ZMYM4: variants seen among roughly 807,000 people sequenced by gnomAD.
ZMYM4 encodes the protein zinc finger MYM-type containing 4, also known as zinc finger MYM-type protein 4.
A neutral mutation model predicts 183.2 loss-of-function variants in ZMYM4; 31 were observed. That is an observed-to-expected ratio of 0.17 (90% CI 0.13 to 0.23). The LOEUF is 0.23. Ranked by LOEUF, ZMYM4 falls within the 10% of genes least tolerant of loss-of-function variation. The pLI is 1.00. For missense variants in ZMYM4, 1,273 were observed against 1,840.3 expected, an observed-to-expected ratio of 0.69 and a Z score of 5.64; for synonymous variants, 592 against 631.2, an observed-to-expected ratio of 0.94 and a Z score of 0.93.
rs187289585 is a variant in ZMYM4, at chr1:35,295,029, A to G, written c.39+25944A>G. Among the ~76,000 whole-genome samples the G allele has an allele frequency of 3.7e-4, 56 of 152,346 alleles. No homozygotes were observed. The East Asian group carries it at 0.01, about 27-fold the overall frequency. ...ACAAGTGTTTGAGTGCCTGTTATGC[A>G]TGAGGAACCATTGTAGGTACGGAGG... On this transcript the variant is annotated intron_variant, in intron 1 of 29. Coordinates refer to ENST00000314607, the MANE Select transcript of ZMYM4 (RefSeq NM_005095.3).
chr1:35,385,097 G>T (rs1416305107), intron 9 of ZMYM4, among the ~76,000 whole-genome samples: 1 of 151,986 alleles, frequency 6.6e-6, no homozygotes, highest in Non-Finnish European at 1.5e-5. Flanking sequence ...CACCCACCTC[G>T]GCCTCCCGAT....
intron 2 of ZMYM4, among the ~76,000 whole-genome samples, chr1:35,345,799 A>G (rs540144363): frequency 2.0e-5 from 3 of 152,202 alleles, no homozygotes; most frequent in South Asian, 4.1e-4. Context: ...GTAGTAAAAT[A>G]TACGTAAAAT....
intron 9 of ZMYM4, among the ~76,000 whole-genome samples, chr1:35,382,092 C>T (rs1644469917): frequency 6.7e-6 from 1 of 150,198 alleles, no homozygotes; most frequent in Admixed American, 6.7e-5. Flanking sequence ...TTGCAGTGAG[C>T]CAAGATCGTA....
At chr1:35,322,577 C>T (rs548709675) in intron 1 of ZMYM4, among the ~76,000 whole-genome samples, 3 of 152,108 alleles carry the variant, frequency 2.0e-5, no homozygotes, top group East Asian at 1.9e-4. Context: ...GTGTGGAGGT[C>T]GCTTATGACC....
At chr1:35,363,321 A>C (rs1239689676) in intron 5 of ZMYM4, among the ~76,000 whole-genome samples, 1 of 152,170 alleles carries the variant, frequency 6.6e-6, no homozygotes, top group African/African-American at 2.4e-5. Flanking sequence ...AGGATTTCTC[A>C]AACTCCACAG....
chr1:35,269,160 G>C, intron 1 of ZMYM4, 75 bp downstream of exon 1: 1 of 1,528,692 alleles, frequency 6.5e-7, no homozygotes, highest in Non-Finnish European at 8.8e-7. Context: ...CCATACTCAG[G>C]TTCGTGGAGG....
chr1:35,399,719 A>G (rs926037352), intron 23 of ZMYM4, 143 bp downstream of exon 23: 14 of 778,232 alleles, frequency 1.8e-5, no homozygotes, highest in African/African-American at 1.4e-4. Flanking sequence ...TTTGAATTCA[A>G]GAACCATATA....
In ZMYM4 at chr1:35,363,623, AAGCTATAGG is replaced by A. The variant is rs376839829; in HGVS notation, c.840+1837_840+1845del. On this transcript the variant is annotated intron_variant, in intron 5 of 29. Transcript: ENST00000314607. ...AGTTGGATGTGTTAGGGTAGTGATA[AAGCTATAGG>A]AGTTGGATGGATATGAGTATACTTG... Among the ~76,000 whole-genome samples, 480 of 152,300 alleles carry A rather than the reference AAGCTATAGG, an allele frequency of 3.2e-3. 4 individuals are homozygous for A. The highest frequency in any genetic ancestry group is 0.011 in the African/African-American group (463 of 41,556).
chr1:35,295,126 A>C (rs1334278207), intron 1 of ZMYM4, among the ~76,000 whole-genome samples: 2 of 152,246 alleles, frequency 1.3e-5, no homozygotes, highest in Non-Finnish European at 2.9e-5. Context: ...GGTGGGAATA[A>C]CTGCTAAACA....
intron 2 of ZMYM4, among the ~76,000 whole-genome samples, chr1:35,347,329 A>G (rs1643434597): frequency 6.6e-6 from 1 of 152,192 alleles, no homozygotes; most frequent in South Asian, 2.1e-4. Context: ...TTTCAAAAAA[A>G]TCTCCATTGA....
intron 25 of ZMYM4, among the ~76,000 whole-genome samples, chr1:35,406,726 G>A (rs1013203068): frequency 1.1e-4 from 17 of 152,226 alleles, no homozygotes; most frequent in African/African-American, 3.6e-4. Context: ...AGTCAAACAT[G>A]GTCGGTGCTC....
intron 1 of ZMYM4, among the ~76,000 whole-genome samples, chr1:35,276,974 T>C (rs1326684231): frequency 1.3e-5 from 2 of 152,168 alleles, no homozygotes; most frequent in African/African-American, 4.8e-5. Flanking sequence ...TTGAAAAAAA[T>C]AGGTTATTGT....
chr1:35,320,890 A>T (rs1273744382), intron 1 of ZMYM4, among the ~76,000 whole-genome samples: 1 of 152,140 alleles, frequency 6.6e-6, no homozygotes, highest in Non-Finnish European at 1.5e-5. Context: ...TGAGAAGTGT[A>T]GGATTTCTAA....
intron 25 of ZMYM4, among the ~76,000 whole-genome samples, chr1:35,405,861 T>C (rs1644994202): frequency 6.6e-6 from 1 of 152,066 alleles, no homozygotes; most frequent in Non-Finnish European, 1.5e-5. Flanking sequence ...ACAATGTTTG[T>C]GGGTTTCACT....
At chr1:35,393,806 T>G in intron 18 of ZMYM4, 67 bp downstream of exon 18, 1 of 1,475,414 alleles carries the variant, frequency 6.8e-7, no homozygotes, top group South Asian at 1.5e-5. Context: ...TCTACTTACA[T>G]TGAGTACCTG....
chr1:35,352,826 A>G (rs577358721), intron 2 of ZMYM4, among the ~76,000 whole-genome samples: 1 of 152,268 alleles, frequency 6.6e-6, no homozygotes, highest in African/African-American at 2.4e-5. Context: ...GCTGTCTTCC[A>G]TCTGTAGTAA....
chr1:35,406,516 G>T (rs1645005204), intron 25 of ZMYM4, among the ~76,000 whole-genome samples: 1 of 152,054 alleles, frequency 6.6e-6, no homozygotes, highest in African/African-American at 2.4e-5. Context: ...GTGAGACCCT[G>T]TCTCTAAAAA....
intron 5 of ZMYM4, among the ~76,000 whole-genome samples, chr1:35,368,065 C>T (rs1025718570): frequency 6.6e-5 from 8 of 122,076 alleles, no homozygotes; most frequent in African/African-American, 2.4e-4. Context: ...TCCAGCGCCC[C>T]CCCCCCACCC....
intron 1 of ZMYM4, among the ~76,000 whole-genome samples, chr1:35,273,733 C>T (rs11264127): frequency 0.13 from 19,964 of 152,032 alleles, 2,979 homozygotes; most frequent in East Asian, 0.68. Flanking sequence ...TATGCTTGTA[C>T]ATGTATGAAC....
Sources: allele counts gnomAD v4.1 joint callset (sites outside exome capture counted in the v4.1 genomes callset), GRCh38; gene constraint gnomAD v4.1.1; transcripts MANE v1.5; gene names NCBI Gene and HGNC (gene_info 2026-07-23, HGNC 2026-07-21).